INPP4B: variants seen among roughly 807,000 people sequenced by gnomAD.
INPP4B encodes the protein inositol polyphosphate-4-phosphatase type II B.
INPP4B carries 55 observed loss-of-function variants against 122.5 expected under a neutral mutation model. That is an observed-to-expected ratio of 0.45 (90% confidence interval 0.36 to 0.56). INPP4B has a LOEUF of 0.56. Among genes scored for constraint, INPP4B ranks in the 20% least tolerant of loss-of-function variants. INPP4B has a pLI of 0.00. For synonymous variants in INPP4B, 403 were observed against 388.7 expected (o/e 1.04, Z -0.43); for missense variants, 1,000 against 1,097.7 (o/e 0.91, Z 1.26).
intron 2 of INPP4B, among the ~76,000 whole-genome samples, chr4:142,532,353 C>T (rs551583992): frequency 2.6e-5 from 4 of 152,178 alleles, no homozygotes; most frequent in South Asian, 2.1e-4. Flanking sequence ...GTTTCTCTGC[C>T]GGGACACCTT....
chr4:142,208,339 T>A (rs1201940116), intron 14 of INPP4B, 86 bp downstream of exon 14: 12 of 592,680 alleles, frequency 2.0e-5, no homozygotes, highest in Non-Finnish European at 3.4e-5. Context: ...ATTGTTAAAC[T>A]TTTGAATTCT....
intron 7 of INPP4B, among the ~76,000 whole-genome samples, chr4:142,353,297 T>C (rs1379526691): frequency 6.6e-6 from 1 of 151,940 alleles, no homozygotes; most frequent in Non-Finnish European, 1.5e-5. Flanking sequence ...GTTGCAAGCA[T>C]AAATATTAGC....
intron 2 of INPP4B, among the ~76,000 whole-genome samples, chr4:142,559,563 T>C (rs372932623): frequency 3.3e-5 from 5 of 152,176 alleles, no homozygotes; most frequent in African/African-American, 1.2e-4. Flanking sequence ...TATTTCAACA[T>C]GACAGCAAGT....
chr4:142,069,603 GA>G (rs1294257914), intron 25 of INPP4B, among the ~76,000 whole-genome samples: 7 of 151,766 alleles, frequency 4.6e-5, no homozygotes, highest in Non-Finnish European at 8.8e-5. Context: ...TAATAAAGAA[GA>G]AAAAAGAGAA....
intron 21 of INPP4B, among the ~76,000 whole-genome samples, chr4:142,116,839 C>T (rs968660023): frequency 3.3e-5 from 5 of 151,790 alleles, no homozygotes; most frequent in Non-Finnish European, 4.4e-5. Flanking sequence ...GATAGAGACA[C>T]AAAAAACCGT....
chr4:142,579,915 A>G lies in INPP4B; in HGVS notation c.-190-117189T>C, dbSNP rs144570617. Among the ~76,000 whole-genome samples the G allele has an allele frequency of 3.3e-3, 494 of 151,604 alleles. 7 individuals are homozygous for G. The highest frequency in any genetic ancestry group is 0.018 in the East Asian group (92 of 5,120). Reference sequence around the variant, plus strand: ...GATAGATAGATAGATAGATAGATAGATAGATAGATAGATAGATAGATATCC... The same window carrying G: ...GATAGATAGATAGATAGATAGATAGGTAGATAGATAGATAGATAGATATCC... On this transcript the variant is annotated intron_variant, in intron 2 of 25. Coordinates refer to ENST00000262992, the MANE Select transcript of INPP4B (RefSeq NM_001101669.3).
At chr4:142,518,580 C>A (rs916643357) in intron 2 of INPP4B, 3 of 152,112 alleles carry the variant, frequency 2.0e-5, no homozygotes, top group Admixed American at 6.6e-5. Flanking sequence ...CTCTCCCCAA[C>A]ACTGATCAGA....
chr4:142,617,507 C>T (rs929074820), intron 2 of INPP4B, among the ~76,000 whole-genome samples: 9 of 152,068 alleles, frequency 5.9e-5, no homozygotes, highest in East Asian at 1.9e-4. Context: ...CAAAAGCTCA[C>T]GGCTGGAGAG....
rs2151361792 is a variant in INPP4B, at chr4:142,317,291, C to G, written c.373-2529G>C. The G allele has an allele frequency of 5.4e-6, 2 of 373,048 alleles. 1 individual carries two copies. The highest frequency in any genetic ancestry group is 1.1e-5 in the Non-Finnish European group (2 of 185,090). The allele number at this position is 373,048 out of a possible 1,614,324, so 23.1% of individuals were successfully genotyped here. ...CTACCAAAACCGCAGAGGAGCCCCT[C>G]GATCTTATCAGGCTCAGCCTAGATG... On this transcript the variant is annotated intron_variant, in intron 7 of 25. Coordinates refer to ENST00000262992, the MANE Select transcript of INPP4B (RefSeq NM_001101669.3).
chr4:142,215,273 C>T (rs902898844), intron 12 of INPP4B, among the ~76,000 whole-genome samples: 4 of 152,120 alleles, frequency 2.6e-5, no homozygotes, highest in African/African-American at 7.2e-5. Flanking sequence ...ATATTATTCT[C>T]TACTGCACAA....
At chr4:142,640,329 G>A (rs1750116308) in intron 2 of INPP4B, among the ~76,000 whole-genome samples, 1 of 151,934 alleles carries the variant, frequency 6.6e-6, no homozygotes. Flanking sequence ...TTAAAATTAT[G>A]TGGTACTGGT....
At chr4:142,549,413 G>A (rs1280459476) in intron 2 of INPP4B, among the ~76,000 whole-genome samples, 1 of 152,064 alleles carries the variant, frequency 6.6e-6, no homozygotes, top group African/African-American at 2.4e-5. Flanking sequence ...TTAGGAGAGT[G>A]ATCTAACCTG....
intron 12 of INPP4B, among the ~76,000 whole-genome samples, chr4:142,212,291 C>A (rs1453959405): frequency 6.6e-6 from 1 of 152,144 alleles, no homozygotes; most frequent in African/African-American, 2.4e-5. Context: ...AATATGCAAT[C>A]CTCCAACTAG....
At chr4:142,188,243 T>G (rs899756297) in intron 15 of INPP4B, among the ~76,000 whole-genome samples, 1 of 151,742 alleles carries the variant, frequency 6.6e-6, no homozygotes, top group Non-Finnish European at 1.5e-5. Flanking sequence ...ATCCCAACAC[T>G]TTGGGAGGCT....
At chr4:142,048,561 TTGTG>T (rs760880885) in intron 25 of INPP4B, among the ~76,000 whole-genome samples, 1 of 151,840 alleles carries the variant, frequency 6.6e-6, no homozygotes, top group East Asian at 1.9e-4. Flanking sequence ...TTTGTTATGT[TTGTG>T]TGTTACATGT....
rs574030937 is a variant in INPP4B at position 142,835,118 on chromosome 4, A to G, written c.-254+11091T>C. 7.9e-5 allele frequency among the ~76,000 whole-genome samples: 12 copies of G among 152,316 alleles called. No individual in the cohort carries two copies. In the South Asian group the frequency reaches 2.5e-3, roughly 32 times the overall value. On this transcript the variant is annotated intron_variant, in intron 1 of 25. Coordinates refer to ENST00000262992, the MANE Select transcript of INPP4B (RefSeq NM_001101669.3). ...GTCCTTCCACATTCCCAAAGCTTAT[A>G]GCTCGCATATAATTTAGACACACAA...
intron 8 of INPP4B, among the ~76,000 whole-genome samples, chr4:142,308,152 G>A (rs960674592): frequency 2.0e-5 from 3 of 152,204 alleles, no homozygotes; most frequent in Non-Finnish European, 2.9e-5. Context: ...CACTGTGAGT[G>A]CATACAGTGT....
At chr4:142,180,461 A>T (rs1044622196) in intron 15 of INPP4B, among the ~76,000 whole-genome samples, 1 of 152,132 alleles carries the variant, frequency 6.6e-6, no homozygotes, top group East Asian at 1.9e-4. Flanking sequence ...CTCCTCTATC[A>T]CTTTAATAGA....
intron 15 of INPP4B, among the ~76,000 whole-genome samples, chr4:142,175,585 T>C (rs1360573015): frequency 6.6e-6 from 1 of 151,486 alleles, no homozygotes; most frequent in African/African-American, 2.4e-5. Flanking sequence ...ATACCTTAAT[T>C]TGCTATCATG....
Sources: allele counts gnomAD v4.1 joint callset (sites outside exome capture counted in the v4.1 genomes callset), GRCh38; gene constraint gnomAD v4.1.1; transcripts MANE v1.5; gene names NCBI Gene and HGNC (gene_info 2026-07-23, HGNC 2026-07-21).